The following CYFIP2 variants were observed in gnomAD, a reference collection of about 807,000 sequenced individuals.
CYFIP2 encodes the protein cytoplasmic FMR1 interacting protein 2.
In CYFIP2, 29 loss-of-function variants were observed where a neutral mutation model predicts 158.7. The ratio of observed to expected loss-of-function variants is 0.18; its 90% CI spans 0.14 to 0.25. CYFIP2 has a LOEUF of 0.25. Ranked by LOEUF, CYFIP2 falls within the 10% of genes least tolerant of loss-of-function variation. CYFIP2 has a pLI of 1.00. For missense variants in CYFIP2, 852 were observed against 1,639.5 expected, an observed-to-expected ratio of 0.52 and a Z score of 8.29; for synonymous variants, 585 against 617.6, an observed-to-expected ratio of 0.95 and a Z score of 0.78.
At position 157,361,434 on chromosome 5, in the gene CYFIP2, A is replaced by T; in HGVS notation, c.2909-34A>T. Reference sequence around the variant, plus strand: ...CCCATAGACCCTACTGAGCAGTGTCAACTTCCCACTGACCACCCCGATTCA... The same window carrying T: ...CCCATAGACCCTACTGAGCAGTGTCTACTTCCCACTGACCACCCCGATTCA... On this transcript the variant is annotated intron_variant, in intron 25 of 30. Transcript: ENST00000620254. The surrounding 1 kb of genome is among the most constrained non-coding windows in gnomAD (Gnocchi z 4.4). 6.2e-7 allele frequency: 1 copy of T among 1,612,962 alleles called. No homozygotes were observed. Among genetic ancestry groups the T allele is most frequent in the Non-Finnish European group, 8.5e-7 (1 of 1,179,664 alleles).
At chr5:157,340,379 C>T (rs1056885083) in intron 22 of CYFIP2, among the ~76,000 whole-genome samples, 2 of 152,178 alleles carry the variant, frequency 1.3e-5, no homozygotes, top group African/African-American at 4.8e-5. Context: ...AGATAGATTT[C>T]CAGTTCTATA....
In CYFIP2 at chr5:157,311,129, C is replaced by T. The variant is rs1199861285; in HGVS notation, c.993-535C>T. 2 of 452,966 alleles carry T rather than the reference C, an allele frequency of 4.4e-6. No individual in the cohort carries two copies. Among genetic ancestry groups the T allele is most frequent in the Non-Finnish European group, 8.8e-6 (2 of 226,036 alleles). 28.1% of individuals were successfully genotyped at this position (452,966 alleles called of 1,614,324 possible). On this transcript the variant is annotated intron_variant, in intron 10 of 30. Transcript: ENST00000620254. This position sits in a 1 kb window ranked among gnomAD's most constrained non-coding sequence, Gnocchi z 4.7. ...GGGGTGGGTGGAGGGAGGGGCCACC[C>T]CCACGTCTCAGAGTGGCCCTGGCTT...
chr5:157,371,913 T>C lies in CYFIP2; in HGVS notation c.3039+10315T>C, dbSNP rs572336066. Reference sequence around the variant, plus strand: ...CTTAATCACCTAATGATTATTTCTCTTGTAGTTATCATATAGTGGGAATAA... The same window carrying C: ...CTTAATCACCTAATGATTATTTCTCCTGTAGTTATCATATAGTGGGAATAA... On this transcript the variant is annotated intron_variant, in intron 26 of 30. Coordinates refer to ENST00000620254, the MANE Select transcript of CYFIP2 (RefSeq NM_001037333.3). Among the ~76,000 whole-genome samples, 116 of 83,022 alleles carry C rather than the reference T, an allele frequency of 1.4e-3. 1 individual carries two copies. Among genetic ancestry groups the C allele is most frequent in the African/African-American group, 6.0e-3 (109 of 18,200 alleles). The allele number at this position is 83,022 out of a possible 152,430, so 54.5% of individuals were successfully genotyped here. A position where few individuals can be genotyped will look rare whatever the true frequency, so the allele number is the denominator to read the frequency against.
chr5:157,390,285 T>C (rs1401616718), intron 29 of CYFIP2, among the ~76,000 whole-genome samples: 1 of 149,788 alleles, frequency 6.7e-6, no homozygotes, highest in African/African-American at 2.5e-5. Context: ...TTTTTTTTTT[T>C]ACATTAGTGA....
chr5:157,336,063 A>G (rs6897581), intron 21 of CYFIP2, among the ~76,000 whole-genome samples: 70,517 of 151,846 alleles, frequency 0.46, 18,212 homozygotes, highest in African/African-American at 0.71. Flanking sequence ...GCGCTCTCCG[A>G]TGGGTCTGGA....
At chr5:157,283,818 C>T (rs1465593092) in intron 1 of CYFIP2, among the ~76,000 whole-genome samples, 1 of 152,148 alleles carries the variant, frequency 6.6e-6, no homozygotes, top group African/African-American at 2.4e-5. Context: ...TTGTTTTAGT[C>T]CTTGGCAGCC....
intron 26 of CYFIP2, among the ~76,000 whole-genome samples, chr5:157,372,896 AACAC>A (rs375713939): frequency 1.3e-5 from 2 of 151,676 alleles, no homozygotes; most frequent in African/African-American, 4.8e-5. Context: ...CTAACAGAGA[AACAC>A]ACACACACAC....
intron 21 of CYFIP2, among the ~76,000 whole-genome samples, chr5:157,337,291 G>A (rs1761924020): frequency 6.6e-6 from 1 of 152,152 alleles, no homozygotes; most frequent in African/African-American, 2.4e-5. Flanking sequence ...CTCCGATGCT[G>A]TTCCAGAATT....
intron 1 of CYFIP2, among the ~76,000 whole-genome samples, chr5:157,282,940 A>G (rs1331115244): frequency 6.6e-6 from 1 of 152,194 alleles, no homozygotes; most frequent in Non-Finnish European, 1.5e-5. Flanking sequence ...TGTGCACATG[A>G]TTTTTTGGCA....
chr5:157,330,854 T>C lies in CYFIP2; in HGVS notation c.2265+4T>C, dbSNP rs775457598. On this transcript the variant is annotated splice_donor_region_variant and intron_variant, in intron 20 of 30. Transcript: ENST00000620254. Reference sequence around the variant, plus strand: ...GCTGAAGCAGAGACACGTCCAGGTATGGGGAGCAGAAGCCACCTTGGAGAT... The same window carrying C: ...GCTGAAGCAGAGACACGTCCAGGTACGGGGAGCAGAAGCCACCTTGGAGAT... 6.2e-7 allele frequency: 1 copy of C among 1,612,468 alleles called. No individual in the cohort carries two copies. The highest frequency in any genetic ancestry group is 1.1e-5 in the South Asian group (1 of 91,042).
At chr5:157,281,893 G>T (rs1757018796) in intron 1 of CYFIP2, among the ~76,000 whole-genome samples, 1 of 151,934 alleles carries the variant, frequency 6.6e-6, no homozygotes. Context: ...TTTTTAAGTA[G>T]AAGATGTGTG....
At chr5:157,331,942 G>A (rs182798871) in intron 20 of CYFIP2, among the ~76,000 whole-genome samples, 68 of 152,276 alleles carry the variant, frequency 4.5e-4, no homozygotes, top group African/African-American at 1.6e-3. Context: ...AGTAATGCCC[G>A]CGTGTACCCC....
intron 1 of CYFIP2, among the ~76,000 whole-genome samples, chr5:157,275,460 T>C (rs1289366973): frequency 6.6e-6 from 1 of 152,260 alleles, no homozygotes; most frequent in African/African-American, 2.4e-5. Context: ...TGAGGATTTA[T>C]TTCTGGATTC....
intron 19 of CYFIP2, among the ~76,000 whole-genome samples, chr5:157,329,874 A>G (rs1032263520): frequency 6.6e-6 from 1 of 152,136 alleles, no homozygotes; most frequent in Non-Finnish European, 1.5e-5. Context: ...CCTTTTAGTT[A>G]TGTCTAGAAT....
rs1581141418 is a variant in CYFIP2, at chr5:157,361,417, C to A, written c.2909-51C>A. ...CCACTCAGTCATTGTTTCCCATAGA[C>A]CCTACTGAGCAGTGTCAACTTCCCA... On this transcript the variant is annotated intron_variant, in intron 25 of 30. Transcript: ENST00000620254. The surrounding 1 kb of genome is among the most constrained non-coding windows in gnomAD (Gnocchi z 4.4). The A allele has an allele frequency of 1.2e-6, 2 of 1,611,268 alleles. No individual in the cohort carries two copies. The highest frequency in any genetic ancestry group is 1.1e-5 in the South Asian group (1 of 90,926).
chr5:157,305,088 C>G (rs1307451565), intron 8 of CYFIP2, among the ~76,000 whole-genome samples: 1 of 152,130 alleles, frequency 6.6e-6, no homozygotes, highest in Non-Finnish European at 1.5e-5. Flanking sequence ...TATTTTGTTC[C>G]TTTTTATGGC....
chr5:157,327,711 C>T (rs1035307399), intron 18 of CYFIP2, among the ~76,000 whole-genome samples: 5 of 152,272 alleles, frequency 3.3e-5, no homozygotes, highest in African/African-American at 7.2e-5. Flanking sequence ...TCCAGGCAGG[C>T]GGCCTCGAAA....
Position 157,371,950 on chromosome 5 carries a change from G to A in CYFIP2, c.3039+10352G>A, listed in dbSNP as rs541235402. ...TATAGTGGGAATAATAAACATTAGC[G>A]TGACACTTGGTACATGCAAAACTAC... is the stretch of plus-strand genomic sequence containing the variant. On this transcript the variant is annotated intron_variant, in intron 26 of 30. Coordinates refer to ENST00000620254, the MANE Select transcript of CYFIP2 (RefSeq NM_001037333.3). Among the ~76,000 whole-genome samples the A allele has an allele frequency of 5.0e-3, 755 of 151,704 alleles. 4 individuals are homozygous for A. The highest frequency in any genetic ancestry group is 0.017 in the African/African-American group (713 of 41,274).
At chr5:157,355,084 G>C (rs958356399) in intron 23 of CYFIP2, among the ~76,000 whole-genome samples, 1 of 152,080 alleles carries the variant, frequency 6.6e-6, no homozygotes, top group African/African-American at 2.4e-5. Flanking sequence ...CCTGCAGTGA[G>C]GAGGAACTCC....
Sources: gnomAD v4.1 joint callset for allele counts (sites outside exome capture counted in the v4.1 genomes callset) on GRCh38, gnomAD v4.1.1 for gene constraint, Gnocchi (gnomAD v3.1) non-coding constraint, MANE v1.5 for transcripts, NCBI Gene and HGNC (gene_info 2026-07-23, HGNC 2026-07-21) for gene names.